The following KIAA0825 variants were observed in gnomAD, a reference collection of about 807,000 sequenced individuals.
KIAA0825 encodes the protein uncharacterized protein KIAA0825.
In KIAA0825, 119 loss-of-function variants were observed where a neutral mutation model predicts 147.6. The ratio of observed to expected loss-of-function variants is 0.81; its 90% CI spans 0.69 to 0.94. The LOEUF is 0.94. Among genes scored for constraint, KIAA0825 ranks in the 40% least tolerant of loss-of-function variants. The probability of loss-of-function intolerance (pLI) is 0.00; values close to 1 mark genes in which losing one functional copy is unlikely to be tolerated. For synonymous variants in KIAA0825, 470 were observed against 518.1 expected, an observed-to-expected ratio of 0.91 and a Z score of 1.26; for missense variants, 1,381 against 1,472.7, an observed-to-expected ratio of 0.94 and a Z score of 1.02.
At chr5:94,484,732 T>G (rs2151045435) in intron 6 of KIAA0825, 37 bp downstream of exon 6, 1 of 1,348,506 alleles carries the variant, frequency 7.4e-7, no homozygotes, top group East Asian at 2.6e-5. Context: ...CACAGAGAAA[T>G]TATAGATTTA....
At chr5:94,180,443 T>C (rs891098690) in intron 20 of KIAA0825, among the ~76,000 whole-genome samples, 2 of 152,108 alleles carry the variant, frequency 1.3e-5, no homozygotes, top group African/African-American at 2.4e-5. Flanking sequence ...AGGATGATAA[T>C]AGAAAATTGG....
chr5:94,535,909 G>A (rs1771909697), intron 3 of KIAA0825, among the ~76,000 whole-genome samples: 1 of 152,214 alleles, frequency 6.6e-6, no homozygotes, highest in Admixed American at 6.5e-5. Context: ...CTGAGGACTA[G>A]TGATTGTTTA....
intron 1 of KIAA0825, among the ~76,000 whole-genome samples, chr5:94,589,519 G>A (rs1783958965): frequency 6.6e-6 from 1 of 152,176 alleles, no homozygotes; most frequent in Non-Finnish European, 1.5e-5. Context: ...GTATAGCATT[G>A]AGTTTTCCAA....
chr5:94,458,239 A>G (rs1759370312), intron 12 of KIAA0825, among the ~76,000 whole-genome samples: 1 of 152,212 alleles, frequency 6.6e-6, no homozygotes, highest in Non-Finnish European at 1.5e-5. Context: ...TGAATTTCTC[A>G]TGATGAAAAT....
intron 20 of KIAA0825, among the ~76,000 whole-genome samples, chr5:94,162,270 C>T (rs1008392617): frequency 1.3e-5 from 2 of 152,032 alleles, no homozygotes; most frequent in East Asian, 1.9e-4. Flanking sequence ...CTCCAGGGAA[C>T]GCAATTGGAA....
chr5:94,548,817 G>C (rs1024862337), intron 2 of KIAA0825, among the ~76,000 whole-genome samples: 1 of 152,092 alleles, frequency 6.6e-6, no homozygotes, highest in African/African-American at 2.4e-5. Context: ...GACAAAAACT[G>C]TAAGAAGAGA....
At chr5:94,415,099 A>G (rs1274653249) in intron 15 of KIAA0825, 1 of 151,834 alleles carries the variant, frequency 6.6e-6, no homozygotes, top group African/African-American at 2.4e-5. Context: ...GTCTTAGGCA[A>G]CTCTCTTAAT....
At chr5:94,257,685 T>C (rs1295093582) in intron 20 of KIAA0825, among the ~76,000 whole-genome samples, 1 of 152,096 alleles carries the variant, frequency 6.6e-6, no homozygotes, top group Non-Finnish European at 1.5e-5. Flanking sequence ...CCTGAGAATC[T>C]ATAGTGTAAC....
rs757438939 is a variant in KIAA0825 at position 94,484,932 on chromosome 5, T to A, written c.971-2A>T. 6.8e-7 allele frequency: 1 copy of A among 1,480,540 alleles called. No individual in the cohort carries two copies. Among genetic ancestry groups the A allele is most frequent in the Middle Eastern group, 1.8e-4 (1 of 5,712 alleles). The allele number at this position is 1,480,540 out of a possible 1,614,324, so 91.7% of individuals were successfully genotyped here. A position where few individuals can be genotyped will look rare whatever the true frequency, so the allele number is the denominator to read the frequency against. ...CTTTCTGTGGGCATTCAGTAGTAAC[T>A]GTGAAAAGAAAAGATCAATACTGTC... is the stretch of plus-strand genomic sequence containing the variant. On this transcript the variant is annotated splice_acceptor_variant, in intron 5 of 20. Transcript: ENST00000682413. LOFTEE classifies it high-confidence loss of function.
chr5:94,527,679 G>T (rs1352459608), intron 3 of KIAA0825, among the ~76,000 whole-genome samples: 2 of 151,976 alleles, frequency 1.3e-5, no homozygotes, highest in African/African-American at 4.8e-5. Context: ...GAAAAGACAA[G>T]TCTTTTCAAT....
chr5:94,408,433 T>C (rs1752347819), intron 15 of KIAA0825, among the ~76,000 whole-genome samples: 1 of 152,140 alleles, frequency 6.6e-6, no homozygotes, highest in Admixed American at 6.6e-5. Context: ...CACTGTAACT[T>C]CTGCCTCCTG....
At chr5:94,555,836 G>T (rs1244107269) in intron 2 of KIAA0825, among the ~76,000 whole-genome samples, 2 of 152,084 alleles carry the variant, frequency 1.3e-5, no homozygotes, top group Non-Finnish European at 2.9e-5. Flanking sequence ...TGATTTCAAA[G>T]TCATAAAATT....
chr5:94,579,367 A>T (rs1781660578), intron 2 of KIAA0825, among the ~76,000 whole-genome samples: 1 of 152,252 alleles, frequency 6.6e-6, no homozygotes, highest in Non-Finnish European at 1.5e-5. Context: ...TAGTACATAG[A>T]GCAGTCTCTA....
intron 2 of KIAA0825, among the ~76,000 whole-genome samples, chr5:94,564,993 CCTCTCTCT>C (rs1245913455): frequency 2.4e-5 from 3 of 125,862 alleles, no homozygotes; most frequent in Non-Finnish European, 5.1e-5. Flanking sequence ...CTTCTCTTCT[CCTCTCTCT>C]CTCTCTCCCT....
chr5:94,433,031 T>C (rs1755890565), intron 14 of KIAA0825, among the ~76,000 whole-genome samples: 1 of 152,100 alleles, frequency 6.6e-6, no homozygotes, highest in South Asian at 2.1e-4. Flanking sequence ...ATTCATTTTA[T>C]TTTATTTTAT....
chr5:94,225,183 CTG>C (rs1774049999), intron 20 of KIAA0825, among the ~76,000 whole-genome samples: 1 of 152,160 alleles, frequency 6.6e-6, no homozygotes, highest in Non-Finnish European at 1.5e-5. Flanking sequence ...GAAATGCCAA[CTG>C]TGTGTGACAC....
chr5:94,456,412 CT>C (rs1023756556), intron 12 of KIAA0825, among the ~76,000 whole-genome samples: 3 of 152,168 alleles, frequency 2.0e-5, no homozygotes, highest in Non-Finnish European at 4.4e-5. Context: ...CTCATCCCCC[CT>C]CTATGCCCTA....
intron 20 of KIAA0825, among the ~76,000 whole-genome samples, chr5:94,204,759 C>T (rs1292599924): frequency 6.6e-6 from 1 of 152,144 alleles, no homozygotes; most frequent in Non-Finnish European, 1.5e-5. Context: ...GTTCATATGA[C>T]CTCCTCTCCT....
intron 20 of KIAA0825, among the ~76,000 whole-genome samples, chr5:94,244,678 A>G (rs1775514688): frequency 6.6e-6 from 1 of 152,180 alleles, no homozygotes; most frequent in African/African-American, 2.4e-5. Flanking sequence ...TTGTTCAGGT[A>G]TAAAAATATC....
Sources: gnomAD v4.1 joint callset for allele counts (sites outside exome capture counted in the v4.1 genomes callset) on GRCh38, gnomAD v4.1.1 for gene constraint, MANE v1.5 for transcripts, NCBI Gene and HGNC (gene_info 2026-07-23, HGNC 2026-07-21) for gene names.